The following EOGT variants were observed in gnomAD, a reference collection of about 807,000 sequenced individuals.
The protein encoded by EOGT is EGF domain specific O-linked N-acetylglucosamine transferase.
In EOGT, 55 loss-of-function variants were observed where a neutral mutation model predicts 70.5. The ratio of observed to expected loss-of-function variants is 0.78; its 90% CI spans 0.63 to 0.98. The LOEUF (loss-of-function observed/expected upper bound fraction) is 0.98. EOGT is among the 50% of genes least tolerant of loss of function. EOGT has a pLI of 0.00. For missense variants in EOGT, 703 were observed against 641.9 expected, an observed-to-expected ratio of 1.10 and a Z score of -1.03; for synonymous variants, 246 against 217.1, an observed-to-expected ratio of 1.13 and a Z score of -1.17.
chr3:68,985,931 A>G lies in EOGT; in HGVS notation c.1152+1514T>C, dbSNP rs550572191. The stretch of plus-strand genomic sequence containing the variant: ...CTGTGTTCCTCCTGCAGGCTCCAGG[A>G]AAGAACCCACTGCCTCACCTTTTCC... On this transcript the variant is annotated intron_variant, in intron 14 of 17. Transcript: ENST00000383701. Among the ~76,000 whole-genome samples the G allele has an allele frequency of 8.0e-4, 122 of 152,288 alleles. 1 individual carries two copies. Among genetic ancestry groups the G allele is most frequent in the Admixed American group, 7.9e-3 (121 of 15,286 alleles).
chr3:69,004,983 G>C (rs2091401040), intron 7 of EOGT, among the ~76,000 whole-genome samples, 157 bp downstream of exon 7: 1 of 151,160 alleles, frequency 6.6e-6, no homozygotes, highest in Non-Finnish European at 1.5e-5. Context: ...GATCACTTGG[G>C]TTTGGGAGGT....
intron 15 of EOGT, among the ~76,000 whole-genome samples, chr3:68,981,425 T>A (rs1170322110): frequency 6.6e-6 from 1 of 152,202 alleles, no homozygotes; most frequent in East Asian, 1.9e-4. Context: ...GATACCCACA[T>A]GCTGGGATAT....
intron 10 of EOGT, among the ~76,000 whole-genome samples, chr3:68,996,551 C>A (rs559393660): frequency 3.3e-5 from 5 of 152,182 alleles, no homozygotes; most frequent in Non-Finnish European, 5.9e-5. Flanking sequence ...TTTCAGGGAT[C>A]CTGGGGACTT....
chr3:69,009,720 G>A lies in EOGT; in HGVS notation c.127C>T (p.Pro43Ser), dbSNP rs1312856489. Reference sequence around the variant, plus strand: ...AAAAAGAAGGGAATGTGCTCCTCTGGCAAGCGGATGCTGGCATAGTTATAC... The same window carrying A: ...AAAAAGAAGGGAATGTGCTCCTCTGACAAGCGGATGCTGGCATAGTTATAC... ...PLYNYASIRL[P>S]EEHIPFFLHN... Residue 43 changes from proline (P) to serine (S), a missense_variant, in exon 4 of 18, where the codon CCA becomes TCA. Pro to Ser is a moderately conservative substitution (Grantham distance 74). Coordinates refer to ENST00000383701, the MANE Select transcript of EOGT (RefSeq NM_001278689.2). The A allele has an allele frequency of 6.2e-7, 1 of 1,614,044 alleles. No homozygotes were observed. The highest frequency in any genetic ancestry group is 1.3e-5 in the African/African-American group (1 of 75,000).
intron 10 of EOGT, among the ~76,000 whole-genome samples, chr3:68,991,660 A>T (rs1440233917): frequency 6.6e-6 from 1 of 152,204 alleles, no homozygotes; most frequent in African/African-American, 2.4e-5. Flanking sequence ...TAAGAATATA[A>T]ACATATTGGC....
chr3:68,984,962 G>A (rs748397791), intron 14 of EOGT, among the ~76,000 whole-genome samples: 30 of 152,052 alleles, frequency 2.0e-4, no homozygotes, highest in African/African-American at 2.2e-4. Context: ...TCACGCCCCC[G>A]TTACTCTAAT....
intron 14 of EOGT, among the ~76,000 whole-genome samples, chr3:68,985,155 A>G (rs2090768534): frequency 6.6e-6 from 1 of 152,200 alleles, no homozygotes; most frequent in African/African-American, 2.4e-5. Flanking sequence ...TGTATGGTCT[A>G]TACCAATATA....
At chr3:68,993,957 C>A (rs2091071364) in intron 10 of EOGT, among the ~76,000 whole-genome samples, 2 of 152,126 alleles carry the variant, frequency 1.3e-5, no homozygotes, top group Admixed American at 1.3e-4. Context: ...TGGGTCCCTC[C>A]CACAACATGT....
rs776236870 is a variant in EOGT, at chr3:68,978,365, G to A, written c.1405C>T (p.Arg469Ter). 6.2e-7 allele frequency: 1 copy of A among 1,612,110 alleles called. No homozygotes were observed. Among genetic ancestry groups the A allele is most frequent in the East Asian group, 2.2e-5 (1 of 44,788 alleles). Residue 469 changes from arginine to a stop codon, truncating the protein, a stop_gained, in exon 17 of 18, where the codon CGA becomes TGA. Coordinates refer to ENST00000383701, the MANE Select transcript of EOGT (RefSeq NM_001278689.2). LOFTEE classifies it high-confidence loss of function. ...RLRGVHYITW[R>*]RQNKVFPQDK... ...TGAGGAAAGACTTTGTTCTGCCGTC[G>A]CCAAGTGATGTAGTGAACGCCTCTC...
chr3:69,004,721 C>T (rs551179381), intron 7 of EOGT, among the ~76,000 whole-genome samples: 9 of 152,070 alleles, frequency 5.9e-5, no homozygotes, highest in Non-Finnish European at 1.3e-4. Context: ...CATCCATCCC[C>T]CCACCCATTC....
At chr3:68,996,912 T>C (rs914968024) in intron 10 of EOGT, among the ~76,000 whole-genome samples, 14 of 152,202 alleles carry the variant, frequency 9.2e-5, no homozygotes, top group East Asian at 3.9e-4. Context: ...CTTATTGTAA[T>C]TGTCACAGTT....
At chr3:68,988,221 C>A (rs2090872535) in intron 13 of EOGT, 74 bp downstream of exon 13, 1 of 1,039,102 alleles carries the variant, frequency 9.6e-7, no homozygotes, top group East Asian at 2.6e-5. Flanking sequence ...ATTTCTGTTT[C>A]TGAAAAGGTG....
intron 14 of EOGT, among the ~76,000 whole-genome samples, chr3:68,985,998 C>T (rs114168254): frequency 0.02 from 3,024 of 152,246 alleles, 98 homozygotes; most frequent in African/African-American, 0.069. Context: ...CATAGGCCTG[C>T]CCCCTCCATC....
chr3:69,007,144 T>C (rs1218560208), intron 6 of EOGT, among the ~76,000 whole-genome samples: 3 of 152,164 alleles, frequency 2.0e-5, no homozygotes, highest in African/African-American at 7.2e-5. Context: ...AACCTAAAAA[T>C]ATTTCGACTG....
chr3:68,992,384 G>A (rs12495686), intron 10 of EOGT, among the ~76,000 whole-genome samples: 55,040 of 151,950 alleles, frequency 0.36, 10,640 homozygotes, highest in East Asian at 0.55. Context: ...ATGCAAGTCC[G>A]AAATCCTGCA....
chr3:69,011,711 G>C (rs1279072404), intron 3 of EOGT, among the ~76,000 whole-genome samples: 1 of 151,950 alleles, frequency 6.6e-6, no homozygotes, highest in Non-Finnish European at 1.5e-5. Flanking sequence ...CACCAAAAAG[G>C]AATCCTTTTT....
Position 68,978,421 on chromosome 3 carries a change from T to C in EOGT, c.1349A>G (p.Asp450Gly). 1 of 1,609,814 alleles carries C rather than the reference T, an allele frequency of 6.2e-7. No homozygotes were observed. Among genetic ancestry groups the C allele is most frequent in the Non-Finnish European group, 8.5e-7 (1 of 1,178,692 alleles). The change falls in exon 17 of 18, where the codon GAT becomes GGT. Residue 450 changes from aspartate (D) to glycine (G), a missense_variant. Asp to Gly is a moderately conservative substitution (Grantham distance 94). Coordinates refer to ENST00000383701, the MANE Select transcript of EOGT (RefSeq NM_001278689.2). Reference protein sequence around the residue: ...AAVFELYNCEDERCYLDLARL... With the variant: ...AAVFELYNCEGERCYLDLARL... ...GGCCAAGTCTAAGTAACAGCGTTCATCTTCACAGTTGTACCTAAGGACACA... is the reference window on the plus strand; with the variant it reads ...GGCCAAGTCTAAGTAACAGCGTTCACCTTCACAGTTGTACCTAAGGACACA...
At chr3:69,004,082 C>G (rs1187730270) in intron 8 of EOGT, among the ~76,000 whole-genome samples, 2 of 152,134 alleles carry the variant, frequency 1.3e-5, no homozygotes, top group African/African-American at 4.8e-5. Flanking sequence ...ATGTAAGTAA[C>G]CTATGTGACT....
intron 9 of EOGT, among the ~76,000 whole-genome samples, chr3:69,000,907 C>T (rs1260049298): frequency 1.3e-5 from 2 of 151,728 alleles, no homozygotes; most frequent in Non-Finnish European, 2.9e-5. Flanking sequence ...AGTTTGTCAG[C>T]GCAGGTCATG....
Sources: gnomAD v4.1 joint callset for allele counts (sites outside exome capture counted in the v4.1 genomes callset) on GRCh38, gnomAD v4.1.1 for gene constraint, MANE v1.5 for transcripts, NCBI Gene and HGNC (gene_info 2026-07-23, HGNC 2026-07-21) for gene names.